GRK3: variants seen among roughly 807,000 people sequenced by gnomAD.
GRK3 encodes G protein-coupled receptor kinase 3, also known as adrenergic, beta, receptor kinase 2.
A neutral mutation model predicts 95.7 loss-of-function variants in GRK3; 54 were observed. The observed-to-expected ratio is 0.56, with a 90% CI of 0.45 to 0.71. GRK3 has a LOEUF of 0.71. Ranked by LOEUF, GRK3 falls within the 30% of genes least tolerant of loss-of-function variation. The pLI, the probability that GRK3 is intolerant of heterozygous loss-of-function variation, is 0.00. For missense variants in GRK3, 649 were observed against 851.2 expected (o/e 0.76, Z 2.96); for synonymous variants, 281 against 290.8 (o/e 0.97, Z 0.34).
intron 1 of GRK3, among the ~76,000 whole-genome samples, chr22:25,583,655 T>A (rs1001675820): frequency 3.3e-5 from 5 of 152,264 alleles, no homozygotes; most frequent in Non-Finnish European, 7.4e-5. Flanking sequence ...TGGCTCAGGG[T>A]AAGGATGCAG....
chr22:25,570,780 A>G (rs987249031), intron 1 of GRK3, among the ~76,000 whole-genome samples: 1 of 152,060 alleles, frequency 6.6e-6, no homozygotes, highest in Non-Finnish European at 1.5e-5. Flanking sequence ...TTTATCATTG[A>G]TTAGAAGTTA....
At chr22:25,566,319 C>A (rs1931481508) in intron 1 of GRK3, among the ~76,000 whole-genome samples, 1 of 152,176 alleles carries the variant, frequency 6.6e-6, no homozygotes, top group South Asian at 2.1e-4. Context: ...AATCATCAGT[C>A]CTTCAAGCGT....
intron 1 of GRK3, among the ~76,000 whole-genome samples, chr22:25,568,628 G>A (rs1156414289): frequency 2.6e-5 from 4 of 152,276 alleles, no homozygotes; most frequent in South Asian, 4.1e-4. Flanking sequence ...AGCCAGGCAC[G>A]GGGTACTATG....
At position 25,643,296 on chromosome 22, in the gene GRK3, A is replaced by G. The variant is rs146681989; in HGVS notation, c.191-1296A>G. ...GCAGGTGTGCGCCTGACCCTGGTAA[A>G]GTCTGGCTATGCCTATTTAACTAGT... is the stretch of plus-strand genomic sequence containing the variant. On this transcript the variant is annotated intron_variant, in intron 2 of 20. Transcript: ENST00000324198. Among the ~76,000 whole-genome samples, 25 of 152,304 alleles carry G rather than the reference A, an allele frequency of 1.6e-4. No individual in the cohort carries two copies. The East Asian group carries it at 4.8e-3, about 29-fold the overall frequency.
chr22:25,686,722 C>T (rs1358884201), intron 10 of GRK3, among the ~76,000 whole-genome samples: 1 of 152,132 alleles, frequency 6.6e-6, no homozygotes, highest in Non-Finnish European at 1.5e-5. Flanking sequence ...AAGCAGATAG[C>T]AACATTGAAA....
chr22:25,717,086 A>G (rs2085392495), intron 18 of GRK3, among the ~76,000 whole-genome samples: 1 of 152,256 alleles, frequency 6.6e-6, no homozygotes, highest in Non-Finnish European at 1.5e-5. Context: ...CCACTGCTAC[A>G]CAGTGTAACA....
chr22:25,611,215 CT>C (rs113349404), intron 2 of GRK3, among the ~76,000 whole-genome samples: 26 of 152,296 alleles, frequency 1.7e-4, no homozygotes, highest in African/African-American at 6.0e-4. Flanking sequence ...ATTATTTCCA[CT>C]TTTTGCCTGT....
chr22:25,611,864 A>C (rs111532794), intron 2 of GRK3, among the ~76,000 whole-genome samples: 3,221 of 126,508 alleles, frequency 0.025, 41 homozygotes, highest in Middle Eastern at 0.042. Context: ...ATGGAGTCTC[A>C]CTCTGTCACT....
chr22:25,619,263 TA>T (rs1249667774), intron 2 of GRK3, among the ~76,000 whole-genome samples: 2 of 152,292 alleles, frequency 1.3e-5, no homozygotes, highest in Non-Finnish European at 2.9e-5. Flanking sequence ...TGATAACAGT[TA>T]ATGAGCCCCT....
chr22:25,719,705 G>C (rs905704085), intron 19 of GRK3, among the ~76,000 whole-genome samples: 5 of 120,518 alleles, frequency 4.1e-5, no homozygotes, highest in African/African-American at 1.5e-4. Flanking sequence ...GGGGTGGGGG[G>C]GGGGCCTGGT....
At chr22:25,649,248 AT>A in intron 3 of GRK3, 1 of 1,152,728 alleles carries the variant, frequency 8.7e-7, no homozygotes, top group Non-Finnish European at 1.3e-6. Flanking sequence ...CAAGTAGCCT[AT>A]TTTATATGCT....
chr22:25,565,982 C>G (rs1028842642), intron 1 of GRK3, among the ~76,000 whole-genome samples: 1 of 152,026 alleles, frequency 6.6e-6, no homozygotes, highest in Non-Finnish European at 1.5e-5. Flanking sequence ...AGGTGCATAC[C>G]AAGTTGCAAT....
chr22:25,690,580 G>C (rs1349122004), intron 12 of GRK3, among the ~76,000 whole-genome samples: 1 of 152,186 alleles, frequency 6.6e-6, no homozygotes, highest in Non-Finnish European at 1.5e-5. Flanking sequence ...CTAAAAGTCA[G>C]TCAGTTACTT....
chr22:25,716,891 T>A (rs2085390302), intron 18 of GRK3, among the ~76,000 whole-genome samples: 1 of 152,152 alleles, frequency 6.6e-6, no homozygotes, highest in Non-Finnish European at 1.5e-5. Flanking sequence ...TGGCCTGAGA[T>A]TCTCGTAGGA....
At chr22:25,617,392 GC>G (rs1344720820) in intron 2 of GRK3, among the ~76,000 whole-genome samples, 1 of 152,118 alleles carries the variant, frequency 6.6e-6, no homozygotes, top group Non-Finnish European at 1.5e-5. Flanking sequence ...TCTCAGTGTT[GC>G]CTTTTAGTTT....
chr22:25,585,779 T>C (rs577334127), intron 1 of GRK3, among the ~76,000 whole-genome samples: 67 of 151,560 alleles, frequency 4.4e-4, no homozygotes, highest in African/African-American at 1.6e-3. Flanking sequence ...GTGATGTCAG[T>C]TGCAATCCTG....
At chr22:25,617,383 C>T (rs5752189) in intron 2 of GRK3, among the ~76,000 whole-genome samples, 77,512 of 151,990 alleles carry the variant, frequency 0.51, 22,511 homozygotes, top group African/African-American at 0.79. Flanking sequence ...GGCCCTTTCT[C>T]TCAGTGTTGC....
At chr22:25,570,911 C>T (rs1044695361) in intron 1 of GRK3, among the ~76,000 whole-genome samples, 1 of 152,208 alleles carries the variant, frequency 6.6e-6, no homozygotes, top group African/African-American at 2.4e-5. Context: ...GGGTCCTCTG[C>T]TTCCACTGGA....
intron 1 of GRK3, among the ~76,000 whole-genome samples, chr22:25,573,890 ACT>A (rs929187336): frequency 4.6e-5 from 7 of 151,582 alleles, no homozygotes; most frequent in Admixed American, 2.0e-4. Flanking sequence ...CAAGAGCGAA[ACT>A]CTGTCTCAAA....
Sources: allele counts gnomAD v4.1 joint callset (sites outside exome capture counted in the v4.1 genomes callset), GRCh38; gene constraint gnomAD v4.1.1; transcripts MANE v1.5; gene names NCBI Gene and HGNC (gene_info 2026-07-23, HGNC 2026-07-21).